Variants in TENM3 observed in about 807,000 individuals in gnomAD.
TENM3 encodes teneurin transmembrane protein 3.
A neutral mutation model predicts 255.1 loss-of-function variants in TENM3; 63 were observed. The ratio of observed to expected loss-of-function variants is 0.25; its 90% CI spans 0.20 to 0.30. TENM3 has a LOEUF of 0.30. Ranked by LOEUF, TENM3 falls within the 10% of genes least tolerant of loss-of-function variation. TENM3 has a pLI of 1.00. For missense variants in TENM3, 2,929 were observed against 3,461.1 expected (o/e 0.85, Z 3.86); for synonymous variants, 1,306 against 1,322.3 (o/e 0.99, Z 0.27).
chr4:182,756,858 A>C (rs1245403893), intron 22 of TENM3, among the ~76,000 whole-genome samples: 2 of 152,244 alleles, frequency 1.3e-5, no homozygotes, highest in Non-Finnish European at 2.9e-5. Context: ...TGCTCATTTT[A>C]GTATCGCAAT....
chr4:182,471,697 AATTAT>A (rs540910684), intron 3 of TENM3, among the ~76,000 whole-genome samples: 311 of 152,164 alleles, frequency 2.0e-3, no homozygotes, highest in Non-Finnish European at 3.2e-3. Context: ...CTTATAAAGT[AATTAT>A]ATTATAAAAT....
intron 3 of TENM3, among the ~76,000 whole-genome samples, chr4:182,547,212 A>C (rs568653066): frequency 1.4e-3 from 215 of 152,250 alleles, no homozygotes; most frequent in Middle Eastern, 0.014. Context: ...TAGTACAAAA[A>C]AACACTGCAA....
At chr4:182,169,753 C>T (rs150545296) in intron 1 of TENM3, among the ~76,000 whole-genome samples, 7 of 152,058 alleles carry the variant, frequency 4.6e-5, no homozygotes, top group Admixed American at 1.3e-4. Context: ...TCCTTTAAAG[C>T]TGACATATAT....
chr4:182,420,219 G>A (rs1158694087), intron 3 of TENM3, among the ~76,000 whole-genome samples: 2 of 151,950 alleles, frequency 1.3e-5, no homozygotes, highest in African/African-American at 4.8e-5. Flanking sequence ...TATACATTTG[G>A]TGTTTGGAGA....
At chr4:181,572,388 C>T in the TENM3 span, among the ~76,000 whole-genome samples, 1 of 152,124 alleles carries the variant, frequency 6.6e-6, no homozygotes, top group Non-Finnish European at 1.5e-5. Flanking sequence ...ATATATAAAA[C>T]ATAATAAACT....
At chr4:182,550,942 T>G (rs1741937469) in intron 3 of TENM3, among the ~76,000 whole-genome samples, 2 of 152,132 alleles carry the variant, frequency 1.3e-5, no homozygotes, top group African/African-American at 4.8e-5. Flanking sequence ...AATCCTTGGC[T>G]GGGAGCAGTG....
chr4:181,584,960 T>C, the TENM3 span, among the ~76,000 whole-genome samples: 4 of 147,312 alleles, frequency 2.7e-5, no homozygotes, highest in Admixed American at 2.1e-4. Flanking sequence ...AATGTCCATA[T>C]AGTTGAATTG....
Position 182,688,219 on chromosome 4 carries a change from C to T in TENM3, c.2089C>T (p.Arg697Cys), listed in dbSNP as rs766457503. Residue 697 changes from arginine to cysteine, a missense_variant, in exon 12 of 28, where the codon CGC becomes TGC. Transcript: ENST00000511685. ...SHGVCMGGTC[R>C]CEEGWTGPAC... The stretch of plus-strand genomic sequence containing the variant: ...CGGCGTTTGCATGGGGGGGACGTGT[C>T]GCTGTGAAGAAGGCTGGACGGGCCC... The T allele has an allele frequency of 3.1e-6, 5 of 1,613,848 alleles. No individual in the cohort carries two copies. The highest frequency in any genetic ancestry group is 3.3e-5 in the Admixed American group (2 of 60,008).
chr4:182,106,436 G>A, the TENM3 span, among the ~76,000 whole-genome samples: 27,948 of 152,182 alleles, frequency 0.18, 2,635 homozygotes, highest in Non-Finnish European at 0.21. Context: ...CAGCCTGGGC[G>A]ATGGAGCGAG....
the TENM3 span, among the ~76,000 whole-genome samples, chr4:181,674,845 C>G: frequency 1.3e-5 from 2 of 151,964 alleles, no homozygotes; most frequent in African/African-American, 4.8e-5. Context: ...AGAAATTTAC[C>G]ATGGGGACCC....
At chr4:181,605,572 G>GAAAGAAAGAAAGAAAGAA in the TENM3 span, among the ~76,000 whole-genome samples, 3 of 20,066 alleles carry the variant, frequency 1.5e-4, 1 homozygote, top group East Asian at 1.5e-3. Flanking sequence ...GAAAGAAAGA[G>GAAAGAAAGAAAGAAAGAA]AGAGAAAGAA....
the TENM3 span, among the ~76,000 whole-genome samples, chr4:181,648,314 A>G: frequency 6.6e-6 from 1 of 152,216 alleles, no homozygotes; most frequent in Non-Finnish European, 1.5e-5. Context: ...CACAAATTGT[A>G]AAGAAAAGTC....
chr4:181,523,668 G>T, the TENM3 span, among the ~76,000 whole-genome samples: 9 of 152,144 alleles, frequency 5.9e-5, no homozygotes, highest in African/African-American at 1.7e-4. Context: ...CCCTTCTACA[G>T]CAAATTGATA....
the TENM3 span, among the ~76,000 whole-genome samples, chr4:182,021,934 T>C: frequency 0.17 from 26,332 of 152,114 alleles, 2,598 homozygotes; most frequent in Non-Finnish European, 0.23. Flanking sequence ...CCTTATACAT[T>C]GTTAGTGGAA....
chr4:181,656,695 G>A, the TENM3 span, among the ~76,000 whole-genome samples: 1 of 152,194 alleles, frequency 6.6e-6, no homozygotes, highest in Non-Finnish European at 1.5e-5. Flanking sequence ...TGAGGACAAT[G>A]TAAAAATAGC....
At chr4:181,605,584 G>GATAGAAAGATAGAAA in the TENM3 span, among the ~76,000 whole-genome samples, 1 of 69,142 alleles carries the variant, frequency 1.4e-5, no homozygotes, top group Non-Finnish European at 3.0e-5. Flanking sequence ...GAGAAAGAAA[G>GATAGAAAGATAGAAA]GAAAGAAAGA....
upstream of TENM3, among the ~76,000 whole-genome samples, chr4:182,240,942 G>A (rs1184699680): frequency 2.6e-5 from 4 of 152,118 alleles, no homozygotes; most frequent in East Asian, 5.8e-4. Flanking sequence ...TCTCTTTCCC[G>A]CTCCACTGAC....
the TENM3 span, among the ~76,000 whole-genome samples, chr4:181,502,776 C>T: frequency 5.9e-5 from 9 of 152,126 alleles, no homozygotes; most frequent in East Asian, 3.9e-4. Context: ...ATTTGCCTAC[C>T]GGAAGCTCAG....
intron 1 of TENM3, among the ~76,000 whole-genome samples, chr4:182,169,772 G>A (rs1751979282): frequency 6.6e-6 from 1 of 152,058 alleles, no homozygotes; most frequent in Non-Finnish European, 1.5e-5. Flanking sequence ...ATAACATGTA[G>A]CTATGTCAGC....
Sources: gnomAD v4.1 joint callset for allele counts (sites outside exome capture counted in the v4.1 genomes callset) on GRCh38, gnomAD v4.1.1 for gene constraint, MANE v1.5 for transcripts, NCBI Gene and HGNC (gene_info 2026-07-23, HGNC 2026-07-21) for gene names.